METTL15: variants seen among roughly 807,000 people sequenced by gnomAD.
The protein encoded by METTL15 is 12S rRNA N(4)-cytidine methyltransferase METTL15.
Under a neutral mutation model 38.3 loss-of-function variants are expected in METTL15, and 34 were observed. That is an observed-to-expected ratio of 0.89 (90% CI 0.68 to 1.18). The LOEUF is 1.18. METTL15 is among the 50% of genes most tolerant of loss of function. The pLI, the probability that METTL15 is intolerant of heterozygous loss-of-function variation, is 0.00. For synonymous variants in METTL15, 162 were observed against 170.9 expected (o/e 0.95, Z 0.41); for missense variants, 438 against 498.4 (o/e 0.88, Z 1.15).
At chr11:28,459,141 T>A (rs751727477) in intron 6 of METTL15, among the ~76,000 whole-genome samples, 4 of 152,206 alleles carry the variant, frequency 2.6e-5, no homozygotes, top group Non-Finnish European at 4.4e-5. Flanking sequence ...TATCTTTTGG[T>A]ATTTCCTATC....
At chr11:28,140,497 C>T (rs553864608) in intron 3 of METTL15, among the ~76,000 whole-genome samples, 1 of 152,174 alleles carries the variant, frequency 6.6e-6, no homozygotes, top group African/African-American at 2.4e-5. Context: ...GGAGAAGACT[C>T]AGAAATGAAA....
chr11:28,123,430 T>A (rs578226298), intron 3 of METTL15, among the ~76,000 whole-genome samples: 66 of 152,242 alleles, frequency 4.3e-4, no homozygotes, highest in African/African-American at 1.4e-3. Flanking sequence ...AGCTGAGGTG[T>A]AAGTAGCATA....
chr11:28,188,445 T>C (rs1851585379), intron 3 of METTL15, among the ~76,000 whole-genome samples: 1 of 151,324 alleles, frequency 6.6e-6, no homozygotes, highest in Non-Finnish European at 1.5e-5. Context: ...TTTATTGCTC[T>C]GAATGAAGAG....
chr11:28,182,234 T>C (rs1851318091), intron 3 of METTL15, among the ~76,000 whole-genome samples: 2 of 152,184 alleles, frequency 1.3e-5, no homozygotes, highest in Admixed American at 1.3e-4. Context: ...TAGTTTCTTT[T>C]GCTGTGCAGA....
At chr11:28,333,709 G>T (rs1427968596), downstream of METTL15, among the ~76,000 whole-genome samples, 1 of 151,740 alleles carries the variant, frequency 6.6e-6, no homozygotes, top group Non-Finnish European at 1.5e-5. Flanking sequence ...GTTCTTGAAA[G>T]ACACTATATC....
rs571042245 is a variant in METTL15, at chr11:28,451,541, C to T, written c.*424+27177C>T. 2.8e-4 allele frequency among the ~76,000 whole-genome samples: 43 copies of T among 151,566 alleles called. 1 individual carries two copies. The South Asian group carries it at 6.9e-3, about 24-fold the overall frequency. On this transcript the variant is annotated intron_variant and NMD_transcript_variant, in intron 6 of 7. Transcript: ENST00000532947. Reference sequence around the variant, plus strand: ...CGGAGCTTGCAGTGAGCCAAGATCACGCCACTGCACTCCACCCTGGGCAAC... The same window carrying T: ...CGGAGCTTGCAGTGAGCCAAGATCATGCCACTGCACTCCACCCTGGGCAAC...
chr11:28,510,956 T>C lies in METTL15; in HGVS notation c.*425-15522T>C, dbSNP rs114358279. 2.6e-3 allele frequency among the ~76,000 whole-genome samples: 394 copies of C among 152,300 alleles called. 5 individuals are homozygous for C. The highest frequency in any genetic ancestry group is 0.01 in the Middle Eastern group (3 of 294). On this transcript the variant is annotated intron_variant and NMD_transcript_variant, in intron 6 of 7. Coordinates refer to the METTL15 transcript ENST00000532947. ...CTGGGGTTGGTGCATGTTACAACCC[T>C]GGGATGACTTTATGAGACACACTGG...
Position 28,292,233 on chromosome 11 carries a change from A to G in METTL15, c.599+1836A>G, listed in dbSNP as rs1414423048. Among the ~76,000 whole-genome samples, 5 of 105,828 alleles carry G rather than the reference A, an allele frequency of 4.7e-5. No homozygotes were observed. The East Asian group carries it at 1.2e-3, about 25-fold the overall frequency. 69.4% of individuals were successfully genotyped at this position (105,828 alleles called of 152,430 possible). On this transcript the variant is annotated intron_variant, in intron 5 of 6. Coordinates refer to ENST00000407364, the MANE Select transcript of METTL15 (RefSeq NM_001113528.2). Reference sequence around the variant, plus strand: ...CTCCCCCCACCCCACAACAGGCCCCAGTGTGTGATGTTCCCCTTCCTGTGT... The same window carrying G: ...CTCCCCCCACCCCACAACAGGCCCCGGTGTGTGATGTTCCCCTTCCTGTGT...
Position 28,318,839 on chromosome 11 carries a change from T to C in METTL15, c.779-11557T>C, listed in dbSNP as rs561674254. On this transcript the variant is annotated intron_variant, in intron 6 of 6. Transcript: ENST00000407364. ...GAGTCTAGATTCTTAATCAAACACA[T>C]GTAATCAGTACCTGCCCAAAAATCT... Among the ~76,000 whole-genome samples, 6 of 152,320 alleles carry C rather than the reference T, an allele frequency of 3.9e-5. No individual in the cohort carries two copies. The South Asian group carries it at 1.0e-3, about 26-fold the overall frequency.
Position 28,290,283 on chromosome 11 carries a change from C to G in METTL15, c.485C>G (p.Thr162Ser), listed in dbSNP as rs1856458703. ...LLMKAGVQPG[T>S]FDGVLMDLGC... is the part of the protein sequence containing the mutation. ...ATGAAAGCTGGAGTGCAGCCAGGAA[C>G]TTTTGATGGAGTTCTTATGGATCTT... The change falls in exon 5 of 7, where the codon ACT (threonine) becomes AGT (serine). Residue 162 changes from threonine to serine, a missense_variant. Physicochemically the swap from Thr to Ser is moderately conservative, Grantham distance 58. Coordinates refer to ENST00000407364, the MANE Select transcript of METTL15 (RefSeq NM_001113528.2). The G allele has an allele frequency of 1.2e-6, 2 of 1,613,350 alleles. No homozygotes were observed. Among genetic ancestry groups the G allele is most frequent in the Non-Finnish European group, 1.7e-6 (2 of 1,179,678 alleles).
At chr11:28,303,095 C>T (rs964427145) in intron 6 of METTL15, among the ~76,000 whole-genome samples, 8 of 152,166 alleles carry the variant, frequency 5.3e-5, no homozygotes, top group African/African-American at 1.9e-4. Context: ...CCTCAAGAGG[C>T]TGGCTGCCCA....
chr11:28,456,325 C>T (rs1464777402), intron 6 of METTL15, among the ~76,000 whole-genome samples: 1 of 152,130 alleles, frequency 6.6e-6, no homozygotes, highest in African/African-American at 2.4e-5. Context: ...CACGGTTTCT[C>T]CTGCTTGGTC....
chr11:28,476,029 A>G (rs943110146), intron 6 of METTL15, among the ~76,000 whole-genome samples: 25 of 152,306 alleles, frequency 1.6e-4, no homozygotes, highest in African/African-American at 5.5e-4. Flanking sequence ...CTGTCATGAT[A>G]CCTTCATCTG....
chr11:28,128,612 G>A (rs1039117846), intron 3 of METTL15, among the ~76,000 whole-genome samples: 7 of 151,952 alleles, frequency 4.6e-5, no homozygotes, highest in African/African-American at 1.4e-4. Context: ...CTTTCGCTGT[G>A]GTTTTATTTT....
chr11:28,300,726 T>C (rs1272234046), intron 6 of METTL15, among the ~76,000 whole-genome samples: 2 of 152,212 alleles, frequency 1.3e-5, no homozygotes, highest in African/African-American at 4.8e-5. Context: ...TGAATCTTAA[T>C]ATAAATATTT....
At chr11:28,122,986 A>G (rs183572097) in intron 3 of METTL15, among the ~76,000 whole-genome samples, 17 of 152,254 alleles carry the variant, frequency 1.1e-4, no homozygotes, top group Admixed American at 7.9e-4. Context: ...ATGGTTTCAT[A>G]GTTGATAAAA....
intron 3 of METTL15, among the ~76,000 whole-genome samples, chr11:28,161,107 C>CTTTTTTTTTTTTTTTTTTTTT (rs10660185): frequency 6.1e-5 from 8 of 131,900 alleles, no homozygotes; most frequent in South Asian, 4.8e-4. Context: ...TTGCACCTTC[C>CTTTTTTTTTTTTTTTTTTTTT]TTTTTTTTTT....
At chr11:28,335,287 G>C (rs1849891227), downstream of METTL15, among the ~76,000 whole-genome samples, 1 of 152,146 alleles carries the variant, frequency 6.6e-6, no homozygotes, top group African/African-American at 2.4e-5. Context: ...ATAGTATTGT[G>C]AATAACGCTA....
intron 3 of METTL15, among the ~76,000 whole-genome samples, chr11:28,148,760 C>G (rs1305772248): frequency 6.6e-6 from 1 of 151,900 alleles, no homozygotes; most frequent in East Asian, 1.9e-4. Context: ...TTTCAAAATT[C>G]TTCCTTACCT....
Sources: gnomAD v4.1 joint callset for allele counts (sites outside exome capture counted in the v4.1 genomes callset) on GRCh38, gnomAD v4.1.1 for gene constraint, MANE v1.5 for transcripts, NCBI Gene and HGNC (gene_info 2026-07-23, HGNC 2026-07-21) for gene names.